NXPE3: variants seen among roughly 807,000 people sequenced by gnomAD.
The protein encoded by NXPE3 is neurexophilin and PC-esterase domain family member 3, also known as NXPE family member 3.
Under a neutral mutation model 46.1 loss-of-function variants are expected in NXPE3, and 26 were observed. The ratio of observed to expected loss-of-function variants is 0.56; its 90% CI spans 0.41 to 0.78. The LOEUF (loss-of-function observed/expected upper bound fraction) is 0.78, where lower values mean the gene tolerates loss of function less well. Among genes scored for constraint, NXPE3 ranks in the 30% least tolerant of loss-of-function variants. NXPE3 has a pLI of 0.00. For missense variants in NXPE3, 620 were observed against 686.0 expected, an observed-to-expected ratio of 0.90 and a Z score of 1.07; for synonymous variants, 272 against 257.9, an observed-to-expected ratio of 1.05 and a Z score of -0.52.
intron 4 of NXPE3, among the ~76,000 whole-genome samples, chr3:101,787,116 G>A (rs1234451874): frequency 1.3e-5 from 2 of 151,286 alleles, no homozygotes; most frequent in Admixed American, 6.6e-5. Context: ...TCATGCCACT[G>A]CATTCCAGCT....
At chr3:101,818,746 T>C (rs1312685382) in intron 7 of NXPE3, among the ~76,000 whole-genome samples, 2 of 24,982 alleles carry the variant, frequency 8.0e-5, no homozygotes, top group African/African-American at 3.0e-4. Flanking sequence ...TATATATATA[T>C]ATATATATTT....
At chr3:101,816,716 C>A (rs1202253833) in intron 6 of NXPE3, 79 bp from the exon 7 acceptor site, 1 of 1,072,828 alleles carries the variant, frequency 9.3e-7, no homozygotes, top group Non-Finnish European at 1.4e-6. Context: ...AATACATGGG[C>A]ATAATTGTTT....
chr3:101,826,917 C>A lies in NXPE3; in HGVS notation c.*4963C>A. The A allele has an allele frequency of 6.6e-6, 1 of 152,366 alleles. No homozygotes were observed. Among genetic ancestry groups the A allele is most frequent in the Non-Finnish European group, 1.5e-5 (1 of 68,174 alleles). The allele number at this position is 152,366 out of a possible 1,614,324, so 9.4% of individuals were successfully genotyped here. A position where few individuals can be genotyped will look rare whatever the true frequency, so the allele number is the denominator to read the frequency against. ...GTGTGGTGGCACATGCCTGTCATCC[C>A]AGCTACTCAGGAGGCTGAGGTGGGA... On this transcript the variant is annotated 3_prime_UTR_variant, in exon 8 of 8. Transcript: ENST00000273347.
rs1942444932 is a variant in NXPE3 at position 101,825,283 on chromosome 3, C to G, written c.*3329C>G. 1 of 152,190 alleles carries G rather than the reference C, an allele frequency of 6.6e-6. No individual in the cohort carries two copies. Among genetic ancestry groups the G allele is most frequent in the African/African-American group, 2.4e-5 (1 of 41,434 alleles). 9.4% of individuals were successfully genotyped at this position (152,190 alleles called of 1,614,324 possible). A position where few individuals can be genotyped will look rare whatever the true frequency, so the allele number is the denominator to read the frequency against. On this transcript the variant is annotated 3_prime_UTR_variant, in exon 8 of 8. Coordinates refer to ENST00000273347, the MANE Select transcript of NXPE3 (RefSeq NM_145037.4). ...CACATCTAATTTGTCTTTCTTCACTCTGGTGTGGAAATTTTGATAGAGATT... is the reference window on the plus strand; with the variant it reads ...CACATCTAATTTGTCTTTCTTCACTGTGGTGTGGAAATTTTGATAGAGATT...
At chr3:101,816,259 A>G (rs927612458) in intron 6 of NXPE3, among the ~76,000 whole-genome samples, 2 of 150,120 alleles carry the variant, frequency 1.3e-5, no homozygotes, top group Non-Finnish European at 3.0e-5. Context: ...CCATTTTTGT[A>G]CAAAGGAAAA....
At chr3:101,814,914 T>C (rs888776346) in intron 6 of NXPE3, among the ~76,000 whole-genome samples, 2 of 152,216 alleles carry the variant, frequency 1.3e-5, no homozygotes, top group Non-Finnish European at 2.9e-5. Context: ...CTTTGCTCCT[T>C]ACTAGCTCAG....
chr3:101,816,927 A>T lies in NXPE3; in HGVS notation c.1055A>T (p.Gln352Leu). ...NDPDNITECL[Q>L]RKVVHLFGDS... ...CCTGACAACATTACAGAGTGCTTAC[A>T]AAGAAAAGTGGTGCATTTATTTGGT... The change falls in exon 7 of 8, where the codon CAA becomes CTA. Residue 352 changes from glutamine (Q) to leucine (L), a missense_variant. Physicochemically the swap from Gln to Leu is moderately radical, Grantham distance 113 (BLOSUM62 -2). Around this residue, in one of 3 missense-constraint regions of NXPE3, gnomAD observed 511 missense variants for 528.6 expected, o/e 0.97. Coordinates refer to ENST00000273347, the MANE Select transcript of NXPE3 (RefSeq NM_145037.4). 1 of 1,614,180 alleles carries T rather than the reference A, an allele frequency of 6.2e-7. No individual in the cohort carries two copies. Among genetic ancestry groups the T allele is most frequent in the East Asian group, 2.2e-5 (1 of 44,874 alleles).
In NXPE3 at chr3:101,823,678, T is replaced by TA. The variant is rs1942359978; in HGVS notation, c.*1724_*1725insA. On this transcript the variant is annotated 3_prime_UTR_variant, in exon 8 of 8. Coordinates refer to ENST00000273347, the MANE Select transcript of NXPE3 (RefSeq NM_145037.4). ...TACTAGGGAGGCTAAGGCAGGGTGA[T>TA]TGATTGAGCCCAGTAGTTTGAGGCT... 1 of 152,112 alleles carries TA rather than the reference T, an allele frequency of 6.6e-6. No individual in the cohort carries two copies. Among genetic ancestry groups the TA allele is most frequent in the African/African-American group, 2.4e-5 (1 of 41,362 alleles). The allele number at this position is 152,112 out of a possible 1,614,324, so 9.4% of individuals were successfully genotyped here. A position where few individuals can be genotyped will look rare whatever the true frequency, so the allele number is the denominator to read the frequency against.
chr3:101,788,525 C>G (rs1940321359), intron 4 of NXPE3, among the ~76,000 whole-genome samples: 1 of 152,138 alleles, frequency 6.6e-6, no homozygotes, highest in Non-Finnish European at 1.5e-5. Context: ...ACGTTTAGGT[C>G]TTTGATCTAC....
intron 4 of NXPE3, among the ~76,000 whole-genome samples, chr3:101,796,930 A>G (rs1638272429): frequency 6.6e-6 from 1 of 152,142 alleles, no homozygotes; most frequent in South Asian, 2.1e-4. Flanking sequence ...TGCTATAGCT[A>G]TTGAGGAGAG....
rs1942288239 is a variant in NXPE3 at position 101,822,157 on chromosome 3, A to G, written c.*203A>G. The stretch of plus-strand genomic sequence containing the variant: ...ACCTATAGGATTTTATCCAATGTTG[A>G]CTTAGCCATGGTAGAACTCTTAACT... On this transcript the variant is annotated 3_prime_UTR_variant, in exon 8 of 8. Transcript: ENST00000273347. 1 of 562,234 alleles carries G rather than the reference A, an allele frequency of 1.8e-6. No homozygotes were observed. Among genetic ancestry groups the G allele is most frequent in the Non-Finnish European group, 3.2e-6 (1 of 317,136 alleles). 34.8% of individuals were successfully genotyped at this position (562,234 alleles called of 1,614,324 possible).
intron 1 of NXPE3, among the ~76,000 whole-genome samples, chr3:101,780,885 A>T (rs1939781082): frequency 6.6e-6 from 1 of 152,176 alleles, no homozygotes; most frequent in Non-Finnish European, 1.5e-5. Context: ...CACGAAGGAG[A>T]AATGGAATCT....
intron 4 of NXPE3, among the ~76,000 whole-genome samples, chr3:101,787,159 A>G (rs1220508550): frequency 6.6e-6 from 1 of 151,870 alleles, no homozygotes; most frequent in African/African-American, 2.4e-5. Flanking sequence ...TCAAAAAAAA[A>G]AACACAACAA....
chr3:101,818,139 C>T (rs1255062726), intron 7 of NXPE3, among the ~76,000 whole-genome samples: 3 of 152,102 alleles, frequency 2.0e-5, no homozygotes, highest in East Asian at 1.9e-4. Context: ...GCAGTCCGCC[C>T]GCCTCAACCT....
At chr3:101,820,860 T>G (rs559063275) in intron 7 of NXPE3, among the ~76,000 whole-genome samples, 25 of 152,274 alleles carry the variant, frequency 1.6e-4, no homozygotes, top group African/African-American at 5.8e-4. Flanking sequence ...CAGTAGACAC[T>G]GGGGTCTACT....
rs1198200501 is a variant in NXPE3 at position 101,822,478 on chromosome 3, T to C, written c.*524T>C. ...GTCTCAGGAGTTTCTCTTGATGATC[T>C]ACCTTTTCTGAATTACTTGAAAAGG... On this transcript the variant is annotated 3_prime_UTR_variant, in exon 8 of 8. Transcript: ENST00000273347. The C allele has an allele frequency of 6.6e-6, 1 of 152,618 alleles. No individual in the cohort carries two copies. The highest frequency in any genetic ancestry group is 2.4e-5 in the African/African-American group (1 of 41,460). The allele number at this position is 152,618 out of a possible 1,614,324, so 9.5% of individuals were successfully genotyped here. A position where few individuals can be genotyped will look rare whatever the true frequency, so the allele number is the denominator to read the frequency against.
intron 1 of NXPE3, among the ~76,000 whole-genome samples, chr3:101,781,354 T>G (rs1317182201): frequency 6.6e-6 from 1 of 152,234 alleles, no homozygotes; most frequent in Non-Finnish European, 1.5e-5. Context: ...CTGATTTTCT[T>G]TGTTTAATAT....
At chr3:101,811,314 A>G (rs1941695559) in intron 6 of NXPE3, among the ~76,000 whole-genome samples, 1 of 152,194 alleles carries the variant, frequency 6.6e-6, no homozygotes, top group Non-Finnish European at 1.5e-5. Context: ...GCAATAGAAA[A>G]CTAATAAAAT....
intron 5 of NXPE3, among the ~76,000 whole-genome samples, chr3:101,806,125 G>A (rs1451134233): frequency 1.3e-5 from 2 of 152,106 alleles, no homozygotes; most frequent in Non-Finnish European, 2.9e-5. Flanking sequence ...GCTTACTGTA[G>A]TAGCCCTGGA....
Sources: allele counts gnomAD v4.1 joint callset (sites outside exome capture counted in the v4.1 genomes callset), GRCh38; gene constraint gnomAD v4.1.1; regional missense constraint gnomAD v4.1.1; transcripts MANE v1.5; gene names NCBI Gene and HGNC (gene_info 2026-07-23, HGNC 2026-07-21).